Variants in CYYR1 observed in about 807,000 individuals in gnomAD.
The protein encoded by CYYR1 is cysteine and tyrosine rich 1.
Under a neutral mutation model 15.2 loss-of-function variants are expected in CYYR1, and 14 were observed. That is an observed-to-expected ratio of 0.92 (90% confidence interval 0.61 to 1.44). The LOEUF (loss-of-function observed/expected upper bound fraction) is 1.44. Among genes scored for constraint, CYYR1 ranks in the 40% most tolerant of loss-of-function variants. CYYR1 has a pLI of 0.00. For missense variants in CYYR1, 228 were observed against 209.5 expected (o/e 1.09, Z -0.54); for synonymous variants, 80 against 77.4 (o/e 1.03, Z -0.18).
intron 2 of CYYR1, among the ~76,000 whole-genome samples, chr21:26,540,354 C>T (rs1176568982): frequency 3.9e-5 from 6 of 152,252 alleles, no homozygotes; most frequent in Non-Finnish European, 8.8e-5. Context: ...CGGCATGCCC[C>T]AATCAGAATA....
chr21:26,572,794 C>T, intron 1 of CYYR1, 74 bp downstream of exon 1: 1 of 1,568,438 alleles, frequency 6.4e-7, no homozygotes, highest in Non-Finnish European at 8.7e-7. Flanking sequence ...TCCAGCTCAA[C>T]CCACGTTAGC....
At chr21:26,489,683 A>G (rs1369776663) in intron 2 of CYYR1, among the ~76,000 whole-genome samples, 4 of 152,160 alleles carry the variant, frequency 2.6e-5, no homozygotes, top group Non-Finnish European at 5.9e-5. Flanking sequence ...AACATACTAT[A>G]TGTCAAAATC....
At chr21:26,538,733 A>C (rs896333100) in intron 2 of CYYR1, among the ~76,000 whole-genome samples, 1 of 152,156 alleles carries the variant, frequency 6.6e-6, no homozygotes, top group African/African-American at 2.4e-5. Context: ...CTGTGGTATC[A>C]TATTTTTAAT....
intron 2 of CYYR1, among the ~76,000 whole-genome samples, chr21:26,539,937 C>G (rs1475965146): frequency 6.6e-6 from 1 of 152,126 alleles, no homozygotes; most frequent in Non-Finnish European, 1.5e-5. Flanking sequence ...CTCATAATAG[C>G]ATATCTCCTT....
intron 2 of CYYR1, among the ~76,000 whole-genome samples, chr21:26,556,632 G>A (rs531966016): frequency 6.6e-6 from 1 of 152,036 alleles, no homozygotes; most frequent in South Asian, 2.1e-4. Context: ...TCCTCACATG[G>A]CCAGAGCAGG....
At chr21:26,486,353 G>T (rs2123423217) in intron 2 of CYYR1, among the ~76,000 whole-genome samples, 1 of 152,080 alleles carries the variant, frequency 6.6e-6, no homozygotes, top group Non-Finnish European at 1.5e-5. Flanking sequence ...CCTAGGTCCT[G>T]AAGACTTTCT....
chr21:26,480,182 C>A, intron 3 of CYYR1, 90 bp downstream of exon 3: 1 of 1,311,860 alleles, frequency 7.6e-7, no homozygotes, highest in Middle Eastern at 2.5e-4. Context: ...AAGGTGGTTT[C>A]ATTGACCATC....
chr21:26,482,289 T>G lies in CYYR1; in HGVS notation c.177-1860A>C, dbSNP rs531774818. On this transcript the variant is annotated intron_variant, in intron 2 of 3. Transcript: ENST00000652641. ...ACTTACTATTTTTAAACAATTTCCA[T>G]GAATTTTTATTTTTCCATATACATA... is the stretch of plus-strand genomic sequence containing the variant. 19 of 976,798 alleles carry G rather than the reference T, an allele frequency of 1.9e-5. No individual in the cohort carries two copies. In the East Asian group the frequency reaches 2.0e-3, roughly 105 times the overall value. The allele number at this position is 976,798 out of a possible 1,614,324, so 60.5% of individuals were successfully genotyped here. A position where few individuals can be genotyped will look rare whatever the true frequency, so the allele number is the denominator to read the frequency against.
intron 2 of CYYR1, among the ~76,000 whole-genome samples, chr21:26,481,944 C>A (rs1220562843): frequency 6.6e-6 from 1 of 151,994 alleles, no homozygotes; most frequent in Non-Finnish European, 1.5e-5. Flanking sequence ...CAGTGATGAT[C>A]TTGTAAATGT....
chr21:26,538,010 T>C (rs1257638843), intron 2 of CYYR1, among the ~76,000 whole-genome samples: 1 of 152,170 alleles, frequency 6.6e-6, no homozygotes, highest in Non-Finnish European at 1.5e-5. Context: ...TCAGTCTACG[T>C]TGTTTTATGA....
rs377664277 is a variant in CYYR1 at position 26,512,492 on chromosome 21, C to T, written c.177-32063G>A. Among the ~76,000 whole-genome samples, 63 of 152,214 alleles carry T rather than the reference C, an allele frequency of 4.1e-4. 1 individual carries two copies. The South Asian group carries it at 0.013, about 31-fold the overall frequency. The stretch of plus-strand genomic sequence containing the variant: ...GCTGGGATCACAGCGTGAGCCACCG[C>T]GCCCGGCCCACAGAGTCTTTATCAG... On this transcript the variant is annotated intron_variant, in intron 2 of 3. Coordinates refer to ENST00000652641, the MANE Select transcript of CYYR1 (RefSeq NM_001320768.2).
intron 2 of CYYR1, among the ~76,000 whole-genome samples, chr21:26,530,246 T>C (rs1334554445): frequency 2.0e-5 from 3 of 152,058 alleles, no homozygotes; most frequent in African/African-American, 7.2e-5. Flanking sequence ...ATAATAAAAT[T>C]ATTTTTTATT....
chr21:26,549,790 T>C (rs910021995), intron 2 of CYYR1, among the ~76,000 whole-genome samples: 1 of 152,162 alleles, frequency 6.6e-6, no homozygotes, highest in African/African-American at 2.4e-5. Context: ...ACGGTATTAT[T>C]TGTAATCCAC....
At chr21:26,471,121 G>A (rs992636014) in intron 3 of CYYR1, 2 of 152,042 alleles carry the variant, frequency 1.3e-5, no homozygotes, top group Non-Finnish European at 2.9e-5. Flanking sequence ...TTATACCCAC[G>A]CCTCGACTTC....
intron 2 of CYYR1, among the ~76,000 whole-genome samples, chr21:26,501,136 G>A (rs942423906): frequency 1.3e-5 from 2 of 152,112 alleles, no homozygotes; most frequent in Non-Finnish European, 2.9e-5. Context: ...TCAGGAGATC[G>A]AGACCATCCT....
At chr21:26,520,522 T>C (rs1333727171) in intron 2 of CYYR1, among the ~76,000 whole-genome samples, 3 of 152,146 alleles carry the variant, frequency 2.0e-5, no homozygotes, top group Non-Finnish European at 4.4e-5. Flanking sequence ...CTATTGTAAA[T>C]AGTGCTTCAG....
At chr21:26,498,225 G>A (rs1315820198) in intron 2 of CYYR1, among the ~76,000 whole-genome samples, 1 of 152,150 alleles carries the variant, frequency 6.6e-6, no homozygotes, top group Non-Finnish European at 1.5e-5. Flanking sequence ...CATCTTATTT[G>A]AAGGCCCTAT....
At chr21:26,541,059 G>A (rs1005748631) in intron 2 of CYYR1, among the ~76,000 whole-genome samples, 6 of 152,128 alleles carry the variant, frequency 3.9e-5, no homozygotes, top group Non-Finnish European at 4.4e-5. Context: ...AGTCAGTGAC[G>A]TGAAGGTATC....
intron 3 of CYYR1, among the ~76,000 whole-genome samples, chr21:26,468,995 T>A (rs1268885275): frequency 1.3e-5 from 2 of 152,188 alleles, no homozygotes; most frequent in Admixed American, 1.3e-4. Flanking sequence ...AGGAGTGCGG[T>A]TATATCACCA....
Sources: gnomAD v4.1 joint callset for allele counts (sites outside exome capture counted in the v4.1 genomes callset) on GRCh38, gnomAD v4.1.1 for gene constraint, MANE v1.5 for transcripts, NCBI Gene and HGNC (gene_info 2026-07-23, HGNC 2026-07-21) for gene names.